KCTD20: variants seen among roughly 807,000 people sequenced by gnomAD.
The protein encoded by KCTD20 is BTB/POZ domain-containing protein KCTD20.
Under a neutral mutation model 39.6 loss-of-function variants are expected in KCTD20, and 30 were observed. The ratio of observed to expected loss-of-function variants is 0.76; its 90% confidence interval spans 0.57 to 1.03. KCTD20 has a LOEUF of 1.03. KCTD20 is among the 50% of genes least tolerant of loss of function. The pLI is 0.00. For synonymous variants in KCTD20, 162 were observed against 180.6 expected, an observed-to-expected ratio of 0.90 and a Z score of 0.83; for missense variants, 422 against 522.0, an observed-to-expected ratio of 0.81 and a Z score of 1.87.
At chr6:36,465,477 C>A (rs1582332952) in intron 1 of KCTD20, 1 of 148,136 alleles carries the variant, frequency 6.8e-6, no homozygotes, top group Non-Finnish European at 1.5e-5. Flanking sequence ...TTGTTTTCTT[C>A]AGAAATAATT....
chr6:36,449,085 C>T lies in KCTD20; in HGVS notation c.-47+5974C>T, dbSNP rs115220265. Among the ~76,000 whole-genome samples, 7 of 152,216 alleles carry T rather than the reference C, an allele frequency of 4.6e-5. No individual in the cohort carries two copies. In the South Asian group the frequency reaches 6.2e-4, roughly 14 times the overall value. ...CAGCAGCAAGACTTATTGTGAGGAG[C>T]GAAAGAATAAAGCTTCCACAGTGTG... is the stretch of plus-strand genomic sequence containing the variant. On this transcript the variant is annotated intron_variant, in intron 1 of 7. Coordinates refer to ENST00000373731, the MANE Select transcript of KCTD20 (RefSeq NM_173562.5).
chr6:36,460,926 T>C (rs1775583647), intron 1 of KCTD20, among the ~76,000 whole-genome samples: 1 of 152,144 alleles, frequency 6.6e-6, no homozygotes, highest in South Asian at 2.1e-4. Flanking sequence ...GGAACTTTCC[T>C]TAACCTCCTT....
intron 7 of KCTD20, among the ~76,000 whole-genome samples, chr6:36,485,360 A>G (rs1175798958): frequency 1.3e-5 from 2 of 152,098 alleles, no homozygotes; most frequent in Non-Finnish European, 2.9e-5. Context: ...ATGTCTGAAT[A>G]TATTAACAGA....
At position 36,470,117 on chromosome 6, in the gene KCTD20, G is replaced by T. The variant is rs907424529; in HGVS notation, c.20G>T (p.Ser7Ile). The T allele has an allele frequency of 6.2e-7, 1 of 1,613,524 alleles. No homozygotes were observed. The highest frequency in any genetic ancestry group is 1.3e-5 in the African/African-American group (1 of 74,910). ...CTAAGGATGAATGTTCACCGTGGCAGTGACAGTGACAGGTTATTGCGGCAG... is the reference window on the plus strand; with the variant it reads ...CTAAGGATGAATGTTCACCGTGGCATTGACAGTGACAGGTTATTGCGGCAG... MNVHRG[S>I]DSDRLLRQEA... The change falls in exon 2 of 8, where the codon AGT (serine) becomes ATT (isoleucine). Residue 7 changes from serine to isoleucine, a missense_variant. Transcript: ENST00000373731.
At chr6:36,453,517 GTT>G (rs545358597) in intron 1 of KCTD20, among the ~76,000 whole-genome samples, 5 of 134,906 alleles carry the variant, frequency 3.7e-5, no homozygotes, top group Admixed American at 7.4e-5. Flanking sequence ...TTTGTTTTTT[GTT>G]TTTTTTTTTT....
chr6:36,481,524 A>T, intron 5 of KCTD20, 38 bp from the exon 6 acceptor site: 1 of 1,459,224 alleles, frequency 6.9e-7, no homozygotes, highest in Non-Finnish European at 9.6e-7. Context: ...ATGTGCATTT[A>T]GGCAGAAAGC....
At chr6:36,470,802 A>G (rs1273190693) in intron 2 of KCTD20, among the ~76,000 whole-genome samples, 1 of 152,058 alleles carries the variant, frequency 6.6e-6, no homozygotes, top group Non-Finnish European at 1.5e-5. Flanking sequence ...GGGTTTCACT[A>G]TTTTGCCAAG....
At chr6:36,450,529 T>C (rs1474835286) in intron 1 of KCTD20, among the ~76,000 whole-genome samples, 2 of 151,942 alleles carry the variant, frequency 1.3e-5, no homozygotes, top group Non-Finnish European at 2.9e-5. Flanking sequence ...GTAATCTGAA[T>C]GCTCGTTTCC....
intron 3 of KCTD20, 91 bp downstream of exon 3, chr6:36,475,153 A>G (rs1582354882): frequency 7.2e-7 from 1 of 1,397,656 alleles, no homozygotes; most frequent in East Asian, 2.3e-5. Context: ...AACAGTAAAA[A>G]GTATTGTATA....
intron 1 of KCTD20, among the ~76,000 whole-genome samples, chr6:36,454,560 T>G (rs1473701649): frequency 1.3e-5 from 2 of 152,124 alleles, no homozygotes; most frequent in Non-Finnish European, 2.9e-5. Flanking sequence ...CAGGCTTGTC[T>G]CGAACTCCTG....
At chr6:36,456,093 G>C (rs781415550) in intron 1 of KCTD20, among the ~76,000 whole-genome samples, 22 of 152,074 alleles carry the variant, frequency 1.4e-4, no homozygotes, top group Non-Finnish European at 2.9e-4. Flanking sequence ...TTTTCTGAGC[G>C]CTCTCCAGTA....
chr6:36,479,754 C>CT (rs778867199), intron 5 of KCTD20, 43 bp downstream of exon 5: 40 of 877,528 alleles, frequency 4.6e-5, no homozygotes, highest in Middle Eastern at 6.5e-4. Flanking sequence ...AGCAGCTGAA[C>CT]TTTCAGTTTT....
chr6:36,455,540 G>A (rs956836398), intron 1 of KCTD20, among the ~76,000 whole-genome samples: 26 of 152,144 alleles, frequency 1.7e-4, no homozygotes, highest in African/African-American at 6.3e-4. Flanking sequence ...AGAGTGTTGG[G>A]CTTAACTTAT....
At chr6:36,479,407 G>C (rs903237740) in intron 4 of KCTD20, among the ~76,000 whole-genome samples, 184 bp downstream of exon 4, 3 of 152,092 alleles carry the variant, frequency 2.0e-5, no homozygotes, top group African/African-American at 7.2e-5. Context: ...AGCTCTATCA[G>C]TTACCAAGTT....
chr6:36,454,641 CT>C (rs937567626), intron 1 of KCTD20, among the ~76,000 whole-genome samples: 62 of 142,990 alleles, frequency 4.3e-4, no homozygotes, highest in Admixed American at 4.9e-4. Flanking sequence ...TGTGCCCAGC[CT>C]TTTTTTTTTT....
intron 1 of KCTD20, among the ~76,000 whole-genome samples, chr6:36,445,146 C>A (rs1774999234): frequency 6.6e-6 from 1 of 151,488 alleles, no homozygotes. Flanking sequence ...CCTGTAATCC[C>A]AGCTACACGG....
chr6:36,483,328 T>G (rs943279967), intron 6 of KCTD20, among the ~76,000 whole-genome samples: 1 of 135,640 alleles, frequency 7.4e-6, no homozygotes, highest in Non-Finnish European at 1.5e-5. Flanking sequence ...TTCTCATGCC[T>G]CAACCTCCCA....
rs1302265460 is a variant in KCTD20 at position 36,469,084 on chromosome 6, T to C, written c.-46-968T>C. 6.6e-6 allele frequency among the ~76,000 whole-genome samples: 1 copy of C among 152,214 alleles called. No individual in the cohort carries two copies. Among genetic ancestry groups the C allele is most frequent in the Admixed American group, 6.5e-5 (1 of 15,284 alleles). On this transcript the variant is annotated intron_variant, in intron 1 of 7. Coordinates refer to ENST00000373731, the MANE Select transcript of KCTD20 (RefSeq NM_173562.5). This position sits in a 1 kb window ranked among gnomAD's most constrained non-coding sequence, Gnocchi z 4.6. ...TTGGTATGCCAGGAAATTCAGAGTA[T>C]TAAAATGCATTACTGCCCTTAGTGA...
chr6:36,474,168 C>T (rs936245178), intron 2 of KCTD20, among the ~76,000 whole-genome samples: 8 of 151,982 alleles, frequency 5.3e-5, no homozygotes, highest in Non-Finnish European at 8.8e-5. Context: ...TGGTGCGCTG[C>T]ACCCACTAAC....
Sources: gnomAD v4.1 joint callset for allele counts (sites outside exome capture counted in the v4.1 genomes callset) on GRCh38, gnomAD v4.1.1 for gene constraint, Gnocchi (gnomAD v3.1) non-coding constraint, MANE v1.5 for transcripts, NCBI Gene and HGNC (gene_info 2026-07-23, HGNC 2026-07-21) for gene names.